Variants in KHDRBS2 observed in about 807,000 individuals in gnomAD.
KHDRBS2 encodes KH domain-containing, RNA-binding, signal transduction-associated protein 2.
A neutral mutation model predicts 44.3 loss-of-function variants in KHDRBS2; 26 were observed. That is an observed-to-expected ratio of 0.59 (90% CI 0.43 to 0.81). The LOEUF (loss-of-function observed/expected upper bound fraction) is 0.81, where lower values mean the gene tolerates loss of function less well. Ranked by LOEUF, KHDRBS2 falls within the 40% of genes least tolerant of loss-of-function variation. The probability of loss-of-function intolerance (pLI) is 0.00; values close to 1 mark genes in which losing one functional copy is unlikely to be tolerated. For missense variants in KHDRBS2, 476 were observed against 433.1 expected (o/e 1.10, Z -0.88); for synonymous variants, 194 against 151.1 (o/e 1.28, Z -2.08).
intron 6 of KHDRBS2, among the ~76,000 whole-genome samples, chr6:61,816,020 C>T (rs1788863995): frequency 6.6e-6 from 1 of 152,010 alleles, no homozygotes; most frequent in Non-Finnish European, 1.5e-5. Flanking sequence ...CTTAGTAAGC[C>T]CAAACTCACT....
intron 2 of KHDRBS2, among the ~76,000 whole-genome samples, chr6:62,105,988 C>T (rs866388124): frequency 5.3e-5 from 8 of 152,066 alleles, no homozygotes; most frequent in African/African-American, 9.7e-5. Flanking sequence ...TCTTTGTTCC[C>T]GTTGGTTTCA....
chr6:61,932,973 A>T (rs763958174), intron 4 of KHDRBS2, among the ~76,000 whole-genome samples: 2 of 152,138 alleles, frequency 1.3e-5, no homozygotes, highest in African/African-American at 2.4e-5. Context: ...TAACCCATTC[A>T]TCTATTGATA....
intron 3 of KHDRBS2, among the ~76,000 whole-genome samples, chr6:62,036,921 G>A (rs1785398326): frequency 6.6e-6 from 1 of 151,860 alleles, no homozygotes; most frequent in Non-Finnish European, 1.5e-5. Flanking sequence ...AAGTACATAG[G>A]TTATTCCTCA....
the KHDRBS2 span, among the ~76,000 whole-genome samples, chr6:61,576,798 C>G: frequency 6.6e-6 from 1 of 152,168 alleles, no homozygotes; most frequent in East Asian, 1.9e-4. Flanking sequence ...CTTTGTAATC[C>G]CATGAAGTAC....
chr6:61,564,726 A>G, the KHDRBS2 span, among the ~76,000 whole-genome samples: 1 of 152,138 alleles, frequency 6.6e-6, no homozygotes, highest in Non-Finnish European at 1.5e-5. Context: ...AAAATGTTTC[A>G]GTATTGAATA....
At chr6:61,586,114 A>T in the KHDRBS2 span, among the ~76,000 whole-genome samples, 1 of 152,174 alleles carries the variant, frequency 6.6e-6, no homozygotes. Flanking sequence ...GCCATAAGAC[A>T]CCAGAACCTT....
intron 1 of KHDRBS2, among the ~76,000 whole-genome samples, chr6:62,217,889 A>G (rs1830284129): frequency 6.6e-6 from 1 of 151,838 alleles, no homozygotes; most frequent in African/African-American, 2.4e-5. Context: ...TGTTTTCAAA[A>G]CTGTCCAACT....
At chr6:61,639,673 G>C in the KHDRBS2 span, among the ~76,000 whole-genome samples, 2 of 151,870 alleles carry the variant, frequency 1.3e-5, no homozygotes, top group African/African-American at 4.8e-5. Context: ...TAAAGTCTTG[G>C]GGGTAGGGAC....
chr6:61,542,768 G>T, the KHDRBS2 span, among the ~76,000 whole-genome samples: 1 of 151,894 alleles, frequency 6.6e-6, no homozygotes, highest in Non-Finnish European at 1.5e-5. Flanking sequence ...TAATGGGGGA[G>T]AGAGGAGGCA....
chr6:62,007,376 T>G (rs1779444045), intron 3 of KHDRBS2, among the ~76,000 whole-genome samples: 1 of 151,978 alleles, frequency 6.6e-6, no homozygotes, highest in South Asian at 2.1e-4. Flanking sequence ...ATTACTTTGT[T>G]GGTTAAAGCT....
At chr6:61,835,960 C>T (rs1583078796) in intron 6 of KHDRBS2, among the ~76,000 whole-genome samples, 1 of 151,758 alleles carries the variant, frequency 6.6e-6, no homozygotes, top group East Asian at 1.9e-4. Flanking sequence ...AGGATATTTC[C>T]CGGGATAACA....
chr6:61,707,808 G>A (rs1398836277), intron 7 of KHDRBS2, among the ~76,000 whole-genome samples: 1 of 151,488 alleles, frequency 6.6e-6, no homozygotes, highest in South Asian at 2.1e-4. Context: ...AAATAGATAG[G>A]TATAACAAAC....
chr6:62,188,003 A>G (rs1156330802), intron 1 of KHDRBS2, among the ~76,000 whole-genome samples: 2 of 152,016 alleles, frequency 1.3e-5, no homozygotes, highest in African/African-American at 4.8e-5. Context: ...GGGAGCCAGC[A>G]TGTCACACGG....
chr6:61,772,791 T>C (rs573773643), intron 6 of KHDRBS2, among the ~76,000 whole-genome samples: 26 of 152,192 alleles, frequency 1.7e-4, no homozygotes, highest in African/African-American at 5.8e-4. Flanking sequence ...CCCTACCCCC[T>C]ACCCCAACTC....
chr6:61,821,379 G>A (rs1238468983), intron 6 of KHDRBS2, among the ~76,000 whole-genome samples: 1 of 151,988 alleles, frequency 6.6e-6, no homozygotes, highest in African/African-American at 2.4e-5. Flanking sequence ...TTTAAGGATT[G>A]CTTTAATGTC....
At chr6:61,816,868 T>C (rs1179257357) in intron 6 of KHDRBS2, 7 of 440,000 alleles carry the variant, frequency 1.6e-5, no homozygotes, top group South Asian at 1.1e-4. Context: ...AGTGTTGTCC[T>C]AATTTAAACC....
Position 61,846,930 on chromosome 6 carries a change from A to C in KHDRBS2, c.810+47705T>G, listed in dbSNP as rs140840089. Among the ~76,000 whole-genome samples the C allele has an allele frequency of 7.4e-4, 112 of 152,234 alleles. 3 individuals carry two copies. The East Asian group carries it at 0.018, about 24-fold the overall frequency. ...AAAAAAGATGCTATTTTGTTCTAGT[A>C]ATATGATAGCTATCAAATTTGTGTT... On this transcript the variant is annotated intron_variant, in intron 6 of 8. Transcript: ENST00000281156.
At chr6:61,850,333 A>C (rs1795242156) in intron 6 of KHDRBS2, among the ~76,000 whole-genome samples, 1 of 152,132 alleles carries the variant, frequency 6.6e-6, no homozygotes, top group Non-Finnish European at 1.5e-5. Context: ...ACTAGCCCTA[A>C]GCCAATCCTA....
intron 4 of KHDRBS2, among the ~76,000 whole-genome samples, chr6:61,920,248 T>A (rs1267576525): frequency 6.6e-6 from 1 of 151,950 alleles, no homozygotes; most frequent in Non-Finnish European, 1.5e-5. Flanking sequence ...ATTGACACTT[T>A]GTGGCTTACC....
Sources: gnomAD v4.1 joint callset for allele counts (sites outside exome capture counted in the v4.1 genomes callset) on GRCh38, gnomAD v4.1.1 for gene constraint, MANE v1.5 for transcripts, NCBI Gene and HGNC (gene_info 2026-07-23, HGNC 2026-07-21) for gene names.